Variants in MYO16 observed in about 807,000 individuals in gnomAD.
MYO16 encodes unconventional myosin-XVI.
A neutral mutation model predicts 205.3 loss-of-function variants in MYO16; 94 were observed. That is an observed-to-expected ratio of 0.46 (90% CI 0.39 to 0.54). MYO16 has a LOEUF of 0.54. Among genes scored for constraint, MYO16 ranks in the 20% least tolerant of loss-of-function variants. The pLI is 0.00. For synonymous variants in MYO16, 988 were observed against 954.0 expected (o/e 1.04, Z -0.66); for missense variants, 2,315 against 2,387.5 (o/e 0.97, Z 0.63).
chr13:108,828,791 G>A (rs2139034951), intron 9 of MYO16, among the ~76,000 whole-genome samples: 1 of 152,250 alleles, frequency 6.6e-6, no homozygotes, highest in Admixed American at 6.5e-5. Flanking sequence ...AAAAACTGTG[G>A]ACATTGAAGC....
chr13:108,707,506 C>A (rs1399497225), intron 2 of MYO16, among the ~76,000 whole-genome samples: 1 of 152,170 alleles, frequency 6.6e-6, no homozygotes, highest in African/African-American at 2.4e-5. Flanking sequence ...GCCTCCCCAT[C>A]CACTGCAGCA....
chr13:108,661,659 C>A (rs1485332408), intron 1 of MYO16, among the ~76,000 whole-genome samples: 1 of 152,134 alleles, frequency 6.6e-6, no homozygotes, highest in African/African-American at 2.4e-5. Flanking sequence ...TTAAGCTATC[C>A]ATTTTCATGA....
chr13:109,057,665 T>A (rs1357009960), intron 27 of MYO16, among the ~76,000 whole-genome samples: 1 of 152,100 alleles, frequency 6.6e-6, no homozygotes, highest in African/African-American at 2.4e-5. Context: ...CATTTTATAG[T>A]GTGTGTATTA....
At chr13:108,855,196 C>G in intron 10 of MYO16, 2 of 354,834 alleles carry the variant, frequency 5.6e-6, no homozygotes, top group Non-Finnish European at 1.0e-5. Flanking sequence ...CCTGGGCTAA[C>G]AGACAGGGTG....
the MYO16 span, among the ~76,000 whole-genome samples, chr13:108,563,795 A>G: frequency 6.6e-6 from 1 of 152,188 alleles, no homozygotes; most frequent in Non-Finnish European, 1.5e-5. Flanking sequence ...CAGTGCTATA[A>G]CAAACATGGG....
At position 108,823,263 on chromosome 13, in the gene MYO16, T is replaced by C. The variant is rs1272662620; in HGVS notation, c.1082T>C (p.Val361Ala). The C allele has an allele frequency of 6.2e-7, 1 of 1,610,238 alleles. No individual in the cohort carries two copies. The highest frequency in any genetic ancestry group is 1.1e-5 in the South Asian group (1 of 90,442). The change falls in exon 9 of 35, where the codon GTA (valine) becomes GCA (alanine). Residue 361 changes from valine (V) to alanine (A), a missense_variant. Around this residue, in one of 3 missense-constraint regions of MYO16, gnomAD observed 1,213 missense variants for 1,274.4 expected, o/e 0.95. Coordinates refer to ENST00000457511, the MANE Select transcript of MYO16 (RefSeq NM_001198950.3). Reference sequence around the variant, plus strand: ...GAAGAGATCATTCACGATCTTCCCGTACTGTCGAGTAAGCTGTAAGTGTCT... The same window carrying C: ...GAAGAGATCATTCACGATCTTCCCGCACTGTCGAGTAAGCTGTAAGTGTCT... The part of the protein sequence containing the change: ...PYEEIIHDLP[V>A]LSSKLSPLVL...
intron 11 of MYO16, among the ~76,000 whole-genome samples, chr13:108,859,135 T>G (rs1878335089): frequency 1.3e-5 from 2 of 152,266 alleles, no homozygotes; most frequent in South Asian, 2.1e-4. Flanking sequence ...TTTTTCTTAT[T>G]TAGATTCTTA....
chr13:109,042,792 C>T (rs1886922946), intron 23 of MYO16, among the ~76,000 whole-genome samples: 1 of 152,150 alleles, frequency 6.6e-6, no homozygotes, highest in Admixed American at 6.5e-5. Context: ...TGTCTGATAT[C>T]ACAAAAATAA....
chr13:108,675,286 G>A (rs1053863786), intron 2 of MYO16, among the ~76,000 whole-genome samples: 3 of 152,172 alleles, frequency 2.0e-5, no homozygotes, highest in African/African-American at 7.2e-5. Context: ...CTAGCCCTCC[G>A]GGGCAGGTTA....
intron 12 of MYO16, among the ~76,000 whole-genome samples, chr13:108,881,023 T>C (rs1160742718): frequency 2.6e-5 from 4 of 152,164 alleles, no homozygotes; most frequent in South Asian, 4.1e-4. Flanking sequence ...AGTAGCCTAA[T>C]TGGGAGACAC....
chr13:109,131,247 G>C (rs542589122), intron 31 of MYO16, among the ~76,000 whole-genome samples: 9 of 152,332 alleles, frequency 5.9e-5, no homozygotes, highest in African/African-American at 2.2e-4. Flanking sequence ...AATTCAGATG[G>C]TTACAGAGTG....
chr13:109,196,290 G>A (rs1030231000), intron 34 of MYO16, among the ~76,000 whole-genome samples: 24 of 152,042 alleles, frequency 1.6e-4, no homozygotes, highest in Admixed American at 8.5e-4. Context: ...TTAAATCCCC[G>A]TACTGAGTTG....
At chr13:109,098,641 A>G (rs1254466482) in intron 27 of MYO16, among the ~76,000 whole-genome samples, 1 of 152,142 alleles carries the variant, frequency 6.6e-6, no homozygotes. Flanking sequence ...CATACTTCTC[A>G]GATGTAATGG....
At chr13:109,071,078 T>C (rs1269191375) in intron 27 of MYO16, among the ~76,000 whole-genome samples, 1 of 152,198 alleles carries the variant, frequency 6.6e-6, no homozygotes, top group Non-Finnish European at 1.5e-5. Flanking sequence ...GACATAAAGA[T>C]GTCCATTTTT....
At chr13:108,949,553 A>G (rs751137183) in intron 16 of MYO16, among the ~76,000 whole-genome samples, 3 of 152,198 alleles carry the variant, frequency 2.0e-5, no homozygotes, top group Non-Finnish European at 4.4e-5. Flanking sequence ...GAGACTTATA[A>G]TGTTCATTTA....
At chr13:108,981,423 T>C (rs1315481436) in intron 20 of MYO16, among the ~76,000 whole-genome samples, 1 of 152,246 alleles carries the variant, frequency 6.6e-6, no homozygotes, top group Non-Finnish European at 1.5e-5. Flanking sequence ...TTGATGCTTC[T>C]CTTATAAGAG....
intron 27 of MYO16, among the ~76,000 whole-genome samples, chr13:109,067,186 T>C (rs1435692339): frequency 6.6e-6 from 1 of 152,208 alleles, no homozygotes; most frequent in Non-Finnish European, 1.5e-5. Flanking sequence ...CTTCTCCTTA[T>C]AATAACCATT....
At chr13:108,922,095 C>G (rs899497997) in intron 16 of MYO16, among the ~76,000 whole-genome samples, 7 of 152,168 alleles carry the variant, frequency 4.6e-5, no homozygotes, top group African/African-American at 1.7e-4. Context: ...CGGCTCTGTC[C>G]AGAGCTGTGT....
At chr13:108,923,356 T>C (rs1881833759) in intron 16 of MYO16, among the ~76,000 whole-genome samples, 1 of 152,246 alleles carries the variant, frequency 6.6e-6, no homozygotes, top group Non-Finnish European at 1.5e-5. Context: ...GTGAAGGCAG[T>C]ACAGCTCAGT....
Sources: allele counts gnomAD v4.1 joint callset (sites outside exome capture counted in the v4.1 genomes callset), GRCh38; gene constraint gnomAD v4.1.1; regional missense constraint gnomAD v4.1.1; transcripts MANE v1.5; gene names NCBI Gene and HGNC (gene_info 2026-07-23, HGNC 2026-07-21).